The following RIN3 variants were observed in gnomAD, a reference collection of about 807,000 sequenced individuals.
The protein encoded by RIN3 is Ras and Rab interactor 3, also known as RAB5 interacting protein 3.
RIN3 carries 54 observed loss-of-function variants against 76.3 expected under a neutral mutation model. That is an observed-to-expected ratio of 0.71 (90% CI 0.57 to 0.89). The LOEUF (loss-of-function observed/expected upper bound fraction) is 0.89, where lower values mean the gene tolerates loss of function less well. Ranked by LOEUF, RIN3 falls within the 40% of genes least tolerant of loss-of-function variation. RIN3 has a pLI of 0.00. For missense variants in RIN3, 1,256 were observed against 1,322.1 expected (o/e 0.95, Z 0.78); for synonymous variants, 576 against 564.0 (o/e 1.02, Z -0.30).
At chr14:92,687,619 A>C in intron 9 of RIN3, 3 of 423,984 alleles carry the variant, frequency 7.1e-6, no homozygotes, top group Non-Finnish European at 4.2e-6. Flanking sequence ...GAGGGAATGA[A>C]TGAATGAATG....
intron 8 of RIN3, among the ~76,000 whole-genome samples, chr14:92,680,863 T>C (rs1467913371): frequency 6.6e-6 from 1 of 152,206 alleles, no homozygotes; most frequent in Non-Finnish European, 1.5e-5. Flanking sequence ...AGCAGGCGTG[T>C]GGGGCAGGAG....
intron 3 of RIN3, among the ~76,000 whole-genome samples, chr14:92,584,405 A>G (rs528927224): frequency 5.9e-4 from 90 of 152,338 alleles, no homozygotes; most frequent in African/African-American, 2.1e-3. Context: ...AACAGGTCAC[A>G]TGGCCAGGCC....
intron 8 of RIN3, among the ~76,000 whole-genome samples, chr14:92,682,831 C>T (rs991467431): frequency 2.0e-5 from 3 of 152,080 alleles, no homozygotes; most frequent in Admixed American, 6.6e-5. Context: ...GGGGCAGACG[C>T]GATTTGAGTG....
At chr14:92,601,074 T>C (rs1247404554) in intron 3 of RIN3, among the ~76,000 whole-genome samples, 2 of 152,156 alleles carry the variant, frequency 1.3e-5, no homozygotes, top group Non-Finnish European at 2.9e-5. Flanking sequence ...ACACTGGACT[T>C]TGAGCACTTA....
At chr14:92,536,127 C>T (rs1269014306) in intron 1 of RIN3, among the ~76,000 whole-genome samples, 5 of 152,166 alleles carry the variant, frequency 3.3e-5, no homozygotes, top group Admixed American at 1.3e-4. Flanking sequence ...TTAATCACTT[C>T]GGCTTTATCA....
chr14:92,683,659 T>C (rs957274718), intron 8 of RIN3, among the ~76,000 whole-genome samples: 67 of 152,184 alleles, frequency 4.4e-4, no homozygotes, highest in African/African-American at 1.5e-3. Flanking sequence ...CCCTTCTCTA[T>C]AGAAAATGTA....
At chr14:92,523,899 G>T (rs1323848933) in intron 1 of RIN3, among the ~76,000 whole-genome samples, 3 of 152,164 alleles carry the variant, frequency 2.0e-5, no homozygotes, top group Admixed American at 6.5e-5. Context: ...ACCAGCACAA[G>T]AAAGGCCTGG....
chr14:92,568,068 G>T lies in RIN3; in HGVS notation c.250-9292G>T, dbSNP rs534308024. On this transcript the variant is annotated intron_variant, in intron 2 of 9. Coordinates refer to ENST00000216487, the MANE Select transcript of RIN3 (RefSeq NM_024832.5). This position sits in a 1 kb window ranked among gnomAD's most constrained non-coding sequence, Gnocchi z 4.2. Reference sequence around the variant, plus strand: ...AGACCCCAAGAAGTAAAAGTAACTTGCCCACGGCTGGTGAGGGGCAGAGGT... The same window carrying T: ...AGACCCCAAGAAGTAAAAGTAACTTTCCCACGGCTGGTGAGGGGCAGAGGT... Among the ~76,000 whole-genome samples the T allele has an allele frequency of 6.6e-6, 1 of 152,232 alleles. No individual in the cohort carries two copies. The highest frequency in any genetic ancestry group is 1.5e-5 in the Non-Finnish European group (1 of 68,020).
intron 3 of RIN3, among the ~76,000 whole-genome samples, chr14:92,583,433 C>G (rs904027449): frequency 1.3e-5 from 2 of 152,222 alleles, no homozygotes; most frequent in African/African-American, 4.8e-5. Context: ...AACAAACAAC[C>G]CTAACCCCAG....
chr14:92,626,664 G>A (rs1886365798), intron 4 of RIN3, among the ~76,000 whole-genome samples: 1 of 152,136 alleles, frequency 6.6e-6, no homozygotes, highest in Admixed American at 6.5e-5. Flanking sequence ...AGAGTATAAG[G>A]GGGAGGAATA....
intron 4 of RIN3, among the ~76,000 whole-genome samples, chr14:92,627,751 C>G (rs1448334268): frequency 6.6e-6 from 1 of 152,242 alleles, no homozygotes; most frequent in East Asian, 1.9e-4. Flanking sequence ...ACGTCTCCCC[C>G]TGGGAGATGA....
chr14:92,612,022 G>A (rs1396620392), intron 3 of RIN3, among the ~76,000 whole-genome samples: 4 of 152,122 alleles, frequency 2.6e-5, no homozygotes, highest in Admixed American at 6.5e-5. Flanking sequence ...AATCTCGTGA[G>A]AACTCTATCA....
intron 1 of RIN3, among the ~76,000 whole-genome samples, chr14:92,552,899 C>T (rs1278426489): frequency 1.3e-5 from 2 of 151,990 alleles, no homozygotes; most frequent in African/African-American, 2.4e-5. Context: ...CTGCTCTAAC[C>T]TGTGCCTGGA....
chr14:92,522,407 C>T (rs946259368), intron 1 of RIN3, among the ~76,000 whole-genome samples: 1 of 152,094 alleles, frequency 6.6e-6, no homozygotes, highest in African/African-American at 2.4e-5. Flanking sequence ...ACACCCAAAA[C>T]AGGGAAATTT....
At position 92,676,583 on chromosome 14, in the gene RIN3, A is replaced by T. The variant is rs775684190; in HGVS notation, c.2444A>T (p.Asp815Val). The change falls in exon 8 of 10, where the codon GAC becomes GTC. Residue 815 changes from aspartate to valine, a missense_variant. Asp to Val is a radical substitution (Grantham distance 152). Coordinates refer to ENST00000216487, the MANE Select transcript of RIN3 (RefSeq NM_024832.5). The stretch of plus-strand genomic sequence containing the variant: ...GTGGAGTACATGATGGAGCTCATGG[A>T]CCCCGCCCTGCAGCTGGGGGAGGGT... ...LNVEYMMELM[D>V]PALQLGEGSY... The T allele has an allele frequency of 1.2e-6, 2 of 1,613,512 alleles. No homozygotes were observed. The highest frequency in any genetic ancestry group is 3.3e-5 in the Admixed American group (2 of 59,982).
chr14:92,679,796 A>G (rs556133175), intron 8 of RIN3, among the ~76,000 whole-genome samples: 25 of 152,190 alleles, frequency 1.6e-4, no homozygotes, highest in Non-Finnish European at 3.5e-4. Context: ...GCTAGAATCT[A>G]AGAAAACTAA....
Position 92,657,486 on chromosome 14 carries a change from G to A in RIN3, c.2027-1675G>A, listed in dbSNP as rs149500799. ...ACAGTCCTGACGTGAGGCTGCTGAGGGCCCCAGACCAGAGAGGAGGTGCCA... is the reference window on the plus strand; with the variant it reads ...ACAGTCCTGACGTGAGGCTGCTGAGAGCCCCAGACCAGAGAGGAGGTGCCA... On this transcript the variant is annotated intron_variant, in intron 6 of 9. Coordinates refer to ENST00000216487, the MANE Select transcript of RIN3 (RefSeq NM_024832.5). 4.1e-4 allele frequency among the ~76,000 whole-genome samples: 63 copies of A among 152,340 alleles called. No individual in the cohort carries two copies. The East Asian group carries it at 0.012, about 28-fold the overall frequency.
At chr14:92,608,492 G>A (rs1381130677) in intron 3 of RIN3, among the ~76,000 whole-genome samples, 5 of 152,048 alleles carry the variant, frequency 3.3e-5, no homozygotes, top group Non-Finnish European at 5.9e-5. Context: ...TTGACAGTTC[G>A]TTTGCATTGC....
chr14:92,642,750 G>A (rs577112118), intron 5 of RIN3, among the ~76,000 whole-genome samples: 1 of 152,156 alleles, frequency 6.6e-6, no homozygotes, highest in East Asian at 1.9e-4. Context: ...CCCATCAGGG[G>A]CAGCAATGCA....
Sources: gnomAD v4.1 joint callset for allele counts (sites outside exome capture counted in the v4.1 genomes callset) on GRCh38, gnomAD v4.1.1 for gene constraint, Gnocchi (gnomAD v3.1) non-coding constraint, MANE v1.5 for transcripts, NCBI Gene and HGNC (gene_info 2026-07-23, HGNC 2026-07-21) for gene names.